Variants in ADGRB1 observed in about 807,000 individuals in gnomAD.
ADGRB1 encodes brain-specific angiogenesis inhibitor 1.
ADGRB1 carries 36 observed loss-of-function variants against 175.7 expected under a neutral mutation model. That is an observed-to-expected ratio of 0.20 (90% CI 0.16 to 0.27). ADGRB1 has a LOEUF of 0.27. Among genes scored for constraint, ADGRB1 ranks in the 10% least tolerant of loss-of-function variants. The pLI is 1.00. For missense variants in ADGRB1, 1,731 were observed against 2,255.3 expected (o/e 0.77, Z 4.71); for synonymous variants, 1,054 against 979.4 (o/e 1.08, Z -1.42).
chr8:142,533,169 G>GCC, intron 24 of ADGRB1, 126 bp from the exon 25 acceptor site: 1 of 1,114,764 alleles, frequency 9.0e-7, no homozygotes, highest in Non-Finnish European at 1.2e-6. Flanking sequence ...CTTGGCCCAG[G>GCC]CCCCCAGAGA....
At chr8:142,478,417 A>T (rs1041903879) in intron 7 of ADGRB1, 57 bp downstream of exon 7, 169 of 1,509,464 alleles carry the variant, frequency 1.1e-4, no homozygotes, top group Non-Finnish European at 1.5e-4. Flanking sequence ...AGCCTCTAGG[A>T]AGGGGACAGG....
rs964713237 is a variant in ADGRB1, at chr8:142,474,530, C to G, written c.785-944C>G. ...CTTCCCGGCCCCCTGGTGCTGCTGC[C>G]CCTCTCTGGCCCACAGATGGCAGTG... On this transcript the variant is annotated intron_variant, in intron 2 of 30. Transcript: ENST00000517894. The surrounding 1 kb of genome is among the most constrained non-coding windows in gnomAD (Gnocchi z 5.8). Among the ~76,000 whole-genome samples, 74 of 152,292 alleles carry G rather than the reference C, an allele frequency of 4.9e-4. No homozygotes were observed. Among genetic ancestry groups the G allele is most frequent in the African/African-American group, 1.6e-3 (68 of 41,550 alleles).
chr8:142,497,325 T>C (rs1244391723), intron 17 of ADGRB1, among the ~76,000 whole-genome samples: 1 of 152,104 alleles, frequency 6.6e-6, no homozygotes, highest in Non-Finnish European at 1.5e-5. Context: ...TAAGAGCCTC[T>C]CCCTCACCCA....
intron 4 of ADGRB1, 98 bp downstream of exon 4, chr8:142,476,793 G>A (rs984258364): frequency 2.5e-6 from 3 of 1,217,174 alleles, no homozygotes; most frequent in Non-Finnish European, 3.4e-6. Flanking sequence ...TGAATAACAT[G>A]CCATAACTAG....
At position 142,508,358 on chromosome 8, in the gene ADGRB1, G is replaced by A. The variant is rs74848976; in HGVS notation, c.2676-2574G>A. Among the ~76,000 whole-genome samples the A allele has an allele frequency of 4.8e-3, 732 of 152,250 alleles. 6 individuals carry two copies. Among genetic ancestry groups the A allele is most frequent in the African/African-American group, 0.017 (706 of 41,530 alleles). On this transcript the variant is annotated intron_variant, in intron 17 of 30. Transcript: ENST00000517894. ...TAGGGGATGGACACAGGTGGTGAGT[G>A]GGATGTTCCTTGTGCACCTGAATGA...
intron 19 of ADGRB1, among the ~76,000 whole-genome samples, chr8:142,520,615 G>A (rs1379469718): frequency 6.6e-6 from 1 of 151,880 alleles, no homozygotes; most frequent in Non-Finnish European, 1.5e-5. Context: ...TGATGGTTGT[G>A]TTGGTGATGG....
In ADGRB1 at chr8:142,483,226, G is replaced by GAGCCCTGACCCTGGTCA. The variant is rs1563699486; in HGVS notation, c.2131-751_2131-750insAGCCCTGACCCTGGTCA. ...CACACACTGAGCCCTGACCCTGGTC[G>GAGCCCTGACCCTGGTCA]CACTGAGCCCTGACCCTGGTCACAC... On this transcript the variant is annotated intron_variant, in intron 11 of 30. Coordinates refer to ENST00000517894, the MANE Select transcript of ADGRB1 (RefSeq NM_001702.3). Among the ~76,000 whole-genome samples, 17 of 133,262 alleles carry GAGCCCTGACCCTGGTCA rather than the reference G, an allele frequency of 1.3e-4. 1 individual carries two copies. Among genetic ancestry groups the GAGCCCTGACCCTGGTCA allele is most frequent in the Admixed American group, 5.1e-4 (7 of 13,616 alleles). The allele number at this position is 133,262 out of a possible 152,430, so 87.4% of individuals were successfully genotyped here.
At chr8:142,468,758 G>C (rs1441447100) in intron 2 of ADGRB1, among the ~76,000 whole-genome samples, 1 of 152,208 alleles carries the variant, frequency 6.6e-6, no homozygotes, top group African/African-American at 2.4e-5. Flanking sequence ...CCGTCCTGTT[G>C]AAAATGGCAG....
At chr8:142,513,069 C>A (rs1387947932) in intron 18 of ADGRB1, among the ~76,000 whole-genome samples, 1 of 152,200 alleles carries the variant, frequency 6.6e-6, no homozygotes, top group Non-Finnish European at 1.5e-5. Context: ...TAGCCCAGCC[C>A]ACGCACACTG....
rs145459577 is a variant in ADGRB1, at chr8:142,471,479, CAG to C, written c.785-3994_785-3993del. ...GGCCCTGGGCTTTCAGGCTTGTAAA[CAG>C]GGCACCATTCTCAGGCCAAGGAGCA... On this transcript the variant is annotated intron_variant, in intron 2 of 30. Coordinates refer to ENST00000517894, the MANE Select transcript of ADGRB1 (RefSeq NM_001702.3). Among the ~76,000 whole-genome samples, 295 of 152,312 alleles carry C rather than the reference CAG, an allele frequency of 1.9e-3. 4 individuals are homozygous for C. The highest frequency in any genetic ancestry group is 6.8e-3 in the African/African-American group (282 of 41,566).
At chr8:142,472,364 C>T (rs1840718911) in intron 2 of ADGRB1, among the ~76,000 whole-genome samples, 1 of 152,200 alleles carries the variant, frequency 6.6e-6, no homozygotes, top group African/African-American at 2.4e-5. Context: ...GGAAATGAGG[C>T]TTCCAGACAG....
At position 142,474,484 on chromosome 8, in the gene ADGRB1, G is replaced by A. The variant is rs932236043; in HGVS notation, c.785-990G>A. 1.3e-5 allele frequency among the ~76,000 whole-genome samples: 2 copies of A among 152,262 alleles called. No individual in the cohort carries two copies. The highest frequency in any genetic ancestry group is 3.4e-3 in the Middle Eastern group (1 of 294). On this transcript the variant is annotated intron_variant, in intron 2 of 30. Transcript: ENST00000517894. This position sits in a 1 kb window ranked among gnomAD's most constrained non-coding sequence, Gnocchi z 5.8. ...AGTGCTGGGCAGGAGGCCCGAGCGGGAGGCCTGGACGCGGCAGCCCCTTCC... is the reference window on the plus strand; with the variant it reads ...AGTGCTGGGCAGGAGGCCCGAGCGGAAGGCCTGGACGCGGCAGCCCCTTCC...
Position 142,478,304 on chromosome 8 carries a change from C to T in ADGRB1, c.1505C>T (p.Ala502Val), listed in dbSNP as rs768708980. The T allele has an allele frequency of 6.2e-7, 1 of 1,610,196 alleles. No homozygotes were observed. The highest frequency in any genetic ancestry group is 8.5e-7 in the Non-Finnish European group (1 of 1,178,774). ...TGCAACGGGCCTTCCTACGGGGGTG[C>T]GGAGTGCCAGGGCCACTGGGTGGAG... Reference protein sequence around the residue: ...RECNGPSYGGAECQGHWVETR... With the variant: ...RECNGPSYGGVECQGHWVETR... The change falls in exon 7 of 31, where the codon GCG becomes GTG. Residue 502 changes from alanine (A) to valine (V), a missense_variant. Transcript: ENST00000517894.
intron 23 of ADGRB1, among the ~76,000 whole-genome samples, chr8:142,524,755 C>T (rs923667052): frequency 6.6e-6 from 1 of 152,128 alleles, no homozygotes; most frequent in South Asian, 2.1e-4. Context: ...TGAGGACCTT[C>T]CCTGTGTGGG....
intron 2 of ADGRB1, among the ~76,000 whole-genome samples, chr8:142,466,828 T>A (rs774359239): frequency 2.6e-5 from 4 of 152,140 alleles, no homozygotes; most frequent in Non-Finnish European, 5.9e-5. Context: ...CACCTGGCCG[T>A]GCATCTTGGT....
chr8:142,539,751 A>C (rs1845152880), intron 27 of ADGRB1: 4 of 455,520 alleles, frequency 8.8e-6, no homozygotes, highest in African/African-American at 2.0e-5. Context: ...TCGTGGCCCC[A>C]GCGAGGAGCA....
chr8:142,532,555 C>T (rs1440928410), intron 24 of ADGRB1, among the ~76,000 whole-genome samples: 2 of 152,110 alleles, frequency 1.3e-5, no homozygotes, highest in Non-Finnish European at 2.9e-5. Flanking sequence ...AGCTGGCCCA[C>T]GAAGAGGAGG....
At chr8:142,452,816 C>CCCA (rs1839434882) in intron 1 of ADGRB1, among the ~76,000 whole-genome samples, 1 of 151,634 alleles carries the variant, frequency 6.6e-6, no homozygotes, top group African/African-American at 2.4e-5. Flanking sequence ...GGCGCGGAGC[C>CCCA]CGTCCTCCGG....
chr8:142,468,771 G>A (rs1352510495), intron 2 of ADGRB1, among the ~76,000 whole-genome samples: 1 of 152,216 alleles, frequency 6.6e-6, no homozygotes, highest in Non-Finnish European at 1.5e-5. Context: ...AATGGCAGCA[G>A]CTCTGGGCCC....
Sources: allele counts gnomAD v4.1 joint callset (sites outside exome capture counted in the v4.1 genomes callset), GRCh38; gene constraint gnomAD v4.1.1; non-coding constraint Gnocchi (gnomAD v3.1); transcripts MANE v1.5; gene names NCBI Gene and HGNC (gene_info 2026-07-23, HGNC 2026-07-21).